Variants in OSBPL3 observed in about 807,000 individuals in gnomAD.
OSBPL3 encodes oxysterol-binding protein-related protein 3.
OSBPL3 carries 65 observed loss-of-function variants against 120.1 expected under a neutral mutation model. That is an observed-to-expected ratio of 0.54 (90% CI 0.44 to 0.67). The LOEUF (loss-of-function observed/expected upper bound fraction) is 0.67. Ranked by LOEUF, OSBPL3 falls within the 30% of genes least tolerant of loss-of-function variation. OSBPL3 has a pLI of 0.00. For missense variants in OSBPL3, 1,004 were observed against 1,082.1 expected, an observed-to-expected ratio of 0.93 and a Z score of 1.01; for synonymous variants, 416 against 402.6, an observed-to-expected ratio of 1.03 and a Z score of -0.40.
chr7:24,943,419 A>G (rs1360096259), intron 1 of OSBPL3, among the ~76,000 whole-genome samples: 1 of 152,246 alleles, frequency 6.6e-6, no homozygotes, highest in African/African-American at 2.4e-5. Flanking sequence ...CTGTTCATTT[A>G]GTTATTTCAT....
At position 24,912,254 on chromosome 7, in the gene OSBPL3, T is replaced by A. The variant is rs1808929366; in HGVS notation, c.-149-19633A>T. Among the ~76,000 whole-genome samples the A allele has an allele frequency of 6.6e-6, 1 of 152,228 alleles. No homozygotes were observed. The highest frequency in any genetic ancestry group is 2.4e-5 in the African/African-American group (1 of 41,450). On this transcript the variant is annotated intron_variant, in intron 1 of 22. Transcript: ENST00000313367. This position sits in a 1 kb window ranked among gnomAD's most constrained non-coding sequence, Gnocchi z 4.5. Reference sequence around the variant, plus strand: ...TTTAGGAGTTTACATCTAGTAAGAATGTTACCAAAAAATAATAGTTCATAG... The same window carrying A: ...TTTAGGAGTTTACATCTAGTAAGAAAGTTACCAAAAAATAATAGTTCATAG...
intron 5 of OSBPL3, among the ~76,000 whole-genome samples, chr7:24,868,305 AGACTCC>A (rs1801618736): frequency 6.6e-6 from 1 of 150,674 alleles, no homozygotes; most frequent in South Asian, 2.1e-4. Flanking sequence ...TGATGGAGCA[AGACTCC>A]GTCTCAAAAA....
At chr7:24,957,217 A>G (rs1401873404) in intron 1 of OSBPL3, among the ~76,000 whole-genome samples, 2 of 151,860 alleles carry the variant, frequency 1.3e-5, no homozygotes, top group Non-Finnish European at 2.9e-5. Flanking sequence ...ACATGGCAGA[A>G]CAGACAAAAA....
intron 13 of OSBPL3, 89 bp from the exon 14 acceptor site, chr7:24,840,872 G>C (rs953289347): frequency 3.1e-6 from 2 of 645,494 alleles, no homozygotes; most frequent in Non-Finnish European, 5.3e-6. Flanking sequence ...GATCAAACAT[G>C]TTGAGTCTCA....
At chr7:24,957,594 T>C (rs1295376668) in intron 1 of OSBPL3, among the ~76,000 whole-genome samples, 1 of 152,196 alleles carries the variant, frequency 6.6e-6, no homozygotes, top group African/African-American at 2.4e-5. Flanking sequence ...AAGTTATTTC[T>C]TAAATAATAC....
intron 13 of OSBPL3, 37 bp downstream of exon 13, chr7:24,842,242 G>A: frequency 6.3e-7 from 1 of 1,599,932 alleles, no homozygotes; most frequent in Non-Finnish European, 8.5e-7. Context: ...CAACAAGAGA[G>A]ATTTTTGAGG....
At chr7:24,904,560 T>C (rs964125352) in intron 1 of OSBPL3, among the ~76,000 whole-genome samples, 1 of 152,182 alleles carries the variant, frequency 6.6e-6, no homozygotes, top group African/African-American at 2.4e-5. Flanking sequence ...TGCGAATACT[T>C]TGCCATTTTA....
rs775802316 is a variant in OSBPL3, at chr7:24,798,220, C to A, written c.*1963G>T. The A allele has an allele frequency of 3.9e-5, 6 of 152,198 alleles. No individual in the cohort carries two copies. Among genetic ancestry groups the A allele is most frequent in the Non-Finnish European group, 8.8e-5 (6 of 68,032 alleles). The allele number at this position is 152,198 out of a possible 1,614,324, so 9.4% of individuals were successfully genotyped here. ...GGATAATTAAAGATTTTCCAAATGC[C>A]ACATGACAGTGCTACGTCCATTCAG... On this transcript the variant is annotated 3_prime_UTR_variant, in exon 23 of 23. Transcript: ENST00000313367. The surrounding 1 kb of genome is among the most constrained non-coding windows in gnomAD (Gnocchi z 4.6).
chr7:24,872,093 T>G lies in OSBPL3; in HGVS notation c.97-24A>C. 2.8e-6 allele frequency: 4 copies of G among 1,446,806 alleles called. No individual in the cohort carries two copies. Among genetic ancestry groups the G allele is most frequent in the Non-Finnish European group, 3.9e-6 (4 of 1,028,296 alleles). 89.6% of individuals were successfully genotyped at this position (1,446,806 alleles called of 1,614,324 possible). On this transcript the variant is annotated intron_variant, in intron 2 of 22. Coordinates refer to ENST00000313367, the MANE Select transcript of OSBPL3 (RefSeq NM_015550.4). The surrounding 1 kb of genome is among the most constrained non-coding windows in gnomAD (Gnocchi z 4.1). ...TCCTGTTCCAACAAAAGAGTTCATG[T>G]TAAATGTCTATCTTTTTGAAAAATA...
In OSBPL3 at chr7:24,831,936, TCA is replaced by T. The variant is rs1233244867; in HGVS notation, c.1747-1033_1747-1032del. Among the ~76,000 whole-genome samples the T allele has an allele frequency of 6.6e-6, 1 of 152,144 alleles. No homozygotes were observed. Among genetic ancestry groups the T allele is most frequent in the African/African-American group, 2.4e-5 (1 of 41,444 alleles). On this transcript the variant is annotated intron_variant, in intron 15 of 22. Transcript: ENST00000313367. The surrounding 1 kb of genome is among the most constrained non-coding windows in gnomAD (Gnocchi z 4.0). The stretch of plus-strand genomic sequence containing the variant: ...GCTATACTCGGCTGGGTGCAGTGGC[TCA>T]CGCCTGTAATCCCAGCACTTTGGGA...
At chr7:24,845,451 GTGTGTGTGTA>G (rs1369520169) in intron 12 of OSBPL3, among the ~76,000 whole-genome samples, 1 of 121,622 alleles carries the variant, frequency 8.2e-6, no homozygotes, top group Non-Finnish European at 1.6e-5. Flanking sequence ...GTGTATGTGT[GTGTGTGTGTA>G]TGTGTGTGTG....
intron 1 of OSBPL3, among the ~76,000 whole-genome samples, chr7:24,978,183 G>C (rs139761615): frequency 1.2e-3 from 190 of 152,312 alleles, no homozygotes; most frequent in African/African-American, 4.4e-3. Flanking sequence ...ACAGACTTCT[G>C]TAAGTTTAAT....
At chr7:24,859,053 T>C (rs914682017) in intron 10 of OSBPL3, among the ~76,000 whole-genome samples, 1 of 152,198 alleles carries the variant, frequency 6.6e-6, no homozygotes, top group African/African-American at 2.4e-5. Flanking sequence ...ATTTCACGGA[T>C]GAACTGCACA....
chr7:24,960,069 T>G lies in OSBPL3; in HGVS notation c.-150+19817A>C, dbSNP rs141251400. 2.0e-5 allele frequency among the ~76,000 whole-genome samples: 3 copies of G among 152,274 alleles called. No homozygotes were observed. In the East Asian group the frequency reaches 5.8e-4, roughly 29 times the overall value. ...TTAAATGAACCTTCTGTTGAACTAC[T>G]AAGAAAAAAACCAATTATTTATTCC... On this transcript the variant is annotated intron_variant, in intron 1 of 22. Transcript: ENST00000313367.
intron 16 of OSBPL3, among the ~76,000 whole-genome samples, chr7:24,825,195 G>A (rs1795561694): frequency 6.6e-6 from 1 of 152,232 alleles, no homozygotes; most frequent in Non-Finnish European, 1.5e-5. Context: ...GACCAGTAGT[G>A]AGTCCTACTG....
At chr7:24,869,532 A>G (rs1801816817) in intron 5 of OSBPL3, among the ~76,000 whole-genome samples, 1 of 152,178 alleles carries the variant, frequency 6.6e-6, no homozygotes, top group Admixed American at 6.5e-5. Context: ...CAATGTCTGG[A>G]GACATTTTTG....
At chr7:24,826,354 T>A (rs769614961) in intron 16 of OSBPL3, among the ~76,000 whole-genome samples, 9 of 152,154 alleles carry the variant, frequency 5.9e-5, no homozygotes, top group Non-Finnish European at 1.2e-4. Context: ...TCACTCCTGA[T>A]CGGTCCTCTT....
chr7:24,977,926 T>C (rs962129455), intron 1 of OSBPL3, among the ~76,000 whole-genome samples: 1 of 152,230 alleles, frequency 6.6e-6, no homozygotes. Flanking sequence ...GATGTAACTA[T>C]TAACGATTAC....
chr7:24,897,816 G>A (rs935689178), intron 1 of OSBPL3, among the ~76,000 whole-genome samples: 4 of 152,164 alleles, frequency 2.6e-5, no homozygotes, highest in Non-Finnish European at 4.4e-5. Context: ...ACATTATCTG[G>A]TAGATTGCAA....
Sources: allele counts gnomAD v4.1 joint callset (sites outside exome capture counted in the v4.1 genomes callset), GRCh38; gene constraint gnomAD v4.1.1; non-coding constraint Gnocchi (gnomAD v3.1); transcripts MANE v1.5; gene names NCBI Gene and HGNC (gene_info 2026-07-23, HGNC 2026-07-21).